ST6GALNAC1: variants seen among roughly 807,000 people sequenced by gnomAD.
ST6GALNAC1 encodes the protein alpha-N-acetylgalactosaminide alpha-2,6-sialyltransferase 1.
A neutral mutation model predicts 56.8 loss-of-function variants in ST6GALNAC1; 45 were observed. The observed-to-expected ratio is 0.79, with a 90% CI of 0.62 to 1.02. ST6GALNAC1 has a LOEUF of 1.02. Among genes scored for constraint, ST6GALNAC1 ranks in the 50% least tolerant of loss-of-function variants. The pLI, the probability that ST6GALNAC1 is intolerant of heterozygous loss-of-function variation, is 0.00. For synonymous variants in ST6GALNAC1, 295 were observed against 297.8 expected, an observed-to-expected ratio of 0.99 and a Z score of 0.10; for missense variants, 743 against 754.8, an observed-to-expected ratio of 0.98 and a Z score of 0.18.
Position 76,625,523 on chromosome 17 carries a change from C to T in ST6GALNAC1, c.1610G>A (p.Ser537Asn), listed in dbSNP as rs140855041. The T allele has an allele frequency of 1.6e-5, 26 of 1,613,640 alleles. No individual in the cohort carries two copies. The African/African-American group carries it at 2.9e-4, about 18-fold the overall frequency. ...GCCCTCAGTGATGAAGCCATAAGCACTCACCTACATCACGGTTGGAGGAGA... is the reference window on the plus strand; with the variant it reads ...GCCCTCAGTGATGAAGCCATAAGCATTCACCTACATCACGGTTGGAGGAGA... ...LTALQLCDQV[S>N]AYGFITEGHE... Residue 537 changes from serine to asparagine, a missense_variant, in exon 9 of 9, where the codon AGT becomes AAT. Transcript: ENST00000156626.
At chr17:76,634,203 G>A (rs927007547) in intron 1 of ST6GALNAC1, among the ~76,000 whole-genome samples, 2 of 152,140 alleles carry the variant, frequency 1.3e-5, no homozygotes, top group South Asian at 2.1e-4. Flanking sequence ...CTCTACTTAC[G>A]TCCTTAAGTC....
chr17:76,638,741 G>A (rs1056840391), intron 1 of ST6GALNAC1, among the ~76,000 whole-genome samples: 2 of 151,948 alleles, frequency 1.3e-5, no homozygotes, highest in African/African-American at 4.8e-5. Flanking sequence ...GACCATGCCC[G>A]GCTAATTTTT....
intron 1 of ST6GALNAC1, among the ~76,000 whole-genome samples, chr17:76,636,661 C>G (rs2075977011): frequency 6.8e-6 from 1 of 146,564 alleles, no homozygotes. Context: ...GTGGGGGTAG[C>G]CCCCACCCAG....
At chr17:76,636,562 G>A (rs1002978466) in intron 1 of ST6GALNAC1, among the ~76,000 whole-genome samples, 5 of 152,150 alleles carry the variant, frequency 3.3e-5, no homozygotes, top group African/African-American at 4.8e-5. Context: ...CTGAGATCAC[G>A]CCACTGCACT....
chr17:76,630,565 T>TC (rs1332908335), intron 1 of ST6GALNAC1, among the ~76,000 whole-genome samples: 1 of 150,970 alleles, frequency 6.6e-6, no homozygotes, highest in Non-Finnish European at 1.5e-5. Context: ...CTCCCAGGGA[T>TC]CCTTCCTCCT....
In ST6GALNAC1 at chr17:76,627,758, T is replaced by C. The variant is rs985205883; in HGVS notation, c.832-175A>G. Among the ~76,000 whole-genome samples the C allele has an allele frequency of 5.3e-5, 8 of 152,076 alleles. No individual in the cohort carries two copies. Among genetic ancestry groups the C allele is most frequent in the Non-Finnish European group, 1.0e-4 (7 of 68,010 alleles). The stretch of plus-strand genomic sequence containing the variant: ...TCCCCTTCCCATTGTCTGGGCTCAT[T>C]GTGGTCCTGAGGGTTCTGGGAAATG... On this transcript the variant is annotated intron_variant, in intron 2 of 8. Transcript: ENST00000156626. This position sits in a 1 kb window ranked among gnomAD's most constrained non-coding sequence, Gnocchi z 4.4.
At position 76,629,637 on chromosome 17, in the gene ST6GALNAC1, C is replaced by T; in HGVS notation, c.206G>A (p.Arg69Lys). The change falls in exon 2 of 9, where the codon AGG (arginine) becomes AAG (lysine). Residue 69 changes from arginine to lysine, a missense_variant. Physicochemically the swap from Arg to Lys is conservative, Grantham distance 26. Transcript: ENST00000156626. ...TGCATAGATGGTTGTCCTCCTTGCCCTTGTGGGTGCCTGGGACTTAGGCTT... is the reference window on the plus strand; with the variant it reads ...TGCATAGATGGTTGTCCTCCTTGCCTTTGTGGGTGCCTGGGACTTAGGCTT... ...LAKPKSQAPTRARRTTIYAEP... is the reference protein window; with the variant it reads ...LAKPKSQAPTKARRTTIYAEP... 3 of 1,613,720 alleles carry T rather than the reference C, an allele frequency of 1.9e-6. No homozygotes were observed. Among genetic ancestry groups the T allele is most frequent in the Non-Finnish European group, 2.5e-6 (3 of 1,179,792 alleles).
At chr17:76,622,089 G>A (rs2075747317), downstream of ST6GALNAC1, among the ~76,000 whole-genome samples, 1 of 150,960 alleles carries the variant, frequency 6.6e-6, no homozygotes, top group Non-Finnish European at 1.5e-5. Context: ...GTGAGCCACT[G>A]CGCCTGGCCT....
At chr17:76,630,284 C>CA (rs2075873294) in intron 1 of ST6GALNAC1, among the ~76,000 whole-genome samples, 1 of 152,138 alleles carries the variant, frequency 6.6e-6, no homozygotes. Flanking sequence ...AGGCAGGAAA[C>CA]AAAGGTCTTT....
Position 76,625,951 on chromosome 17 carries a change from A to T in ST6GALNAC1, c.1506-33T>A, listed in dbSNP as rs777590330. 8.7e-6 allele frequency: 14 copies of T among 1,604,322 alleles called. No homozygotes were observed. The South Asian group carries it at 1.3e-4, about 15-fold the overall frequency. ...ATGCCCCAAACCCCCAACTGTCAGGAGGCTGCAAGGATAACAGGGACCTGG... is the reference window on the plus strand; with the variant it reads ...ATGCCCCAAACCCCCAACTGTCAGGTGGCTGCAAGGATAACAGGGACCTGG... On this transcript the variant is annotated intron_variant, in intron 7 of 8. Transcript: ENST00000156626.
Position 76,625,206 on chromosome 17 carries a change from C to T in ST6GALNAC1, c.*124G>A, listed in dbSNP as rs575841143. ...GTCTTGTCCATGGTTCAAGTGTTCC[C>T]TTGGAACTCCTGAAGGGCTTGGAGC... is the stretch of plus-strand genomic sequence containing the variant. On this transcript the variant is annotated 3_prime_UTR_variant, in exon 9 of 9. Coordinates refer to ENST00000156626, the MANE Select transcript of ST6GALNAC1 (RefSeq NM_018414.5). 1 of 1,004,492 alleles carries T rather than the reference C, an allele frequency of 1.0e-6. No homozygotes were observed. The highest frequency in any genetic ancestry group is 1.4e-6 in the Non-Finnish European group (1 of 694,002). The allele number at this position is 1,004,492 out of a possible 1,614,324, so 62.2% of individuals were successfully genotyped here.
intron 1 of ST6GALNAC1, among the ~76,000 whole-genome samples, chr17:76,642,310 G>A (rs2076060336): frequency 6.6e-6 from 1 of 151,996 alleles, no homozygotes; most frequent in South Asian, 2.1e-4. Flanking sequence ...AAATGCCTGG[G>A]TTTGAATCTT....
At chr17:76,626,590 C>T (rs2075801780) in intron 5 of ST6GALNAC1, 61 bp downstream of exon 5, 1 of 1,608,452 alleles carries the variant, frequency 6.2e-7, no homozygotes, top group Non-Finnish European at 8.5e-7. Context: ...TCTCCCTTCT[C>T]ACCTCCTGTG....
chr17:76,619,556 T>C, the ST6GALNAC1 span, among the ~76,000 whole-genome samples: 1 of 152,196 alleles, frequency 6.6e-6, no homozygotes, highest in Non-Finnish European at 1.5e-5. Context: ...CATATTTTCT[T>C]AATTGTTGAA....
At chr17:76,620,053 ATT>A (rs2075725682), downstream of ST6GALNAC1, among the ~76,000 whole-genome samples, 1 of 128,418 alleles carries the variant, frequency 7.8e-6, no homozygotes, top group Admixed American at 8.0e-5. Flanking sequence ...CTTTTTAAAA[ATT>A]TTTTATACAG....
intron 1 of ST6GALNAC1, among the ~76,000 whole-genome samples, chr17:76,642,621 C>T (rs566854212): frequency 4.6e-5 from 7 of 152,190 alleles, no homozygotes; most frequent in Middle Eastern, 3.4e-3. Context: ...TTACTTTCAA[C>T]GTTTAGGAAC....
Position 76,629,607 on chromosome 17 carries a change from G to C in ST6GALNAC1, c.236C>G (p.Pro79Arg), listed in dbSNP as rs367891631. Residue 79 changes from proline to arginine, a missense_variant, in exon 2 of 9, where the codon CCA becomes CGA. Transcript: ENST00000156626. ...RARRTTIYAEPVPENNALNTQ... is the reference protein window; with the variant it reads ...RARRTTIYAERVPENNALNTQ... ...GTTGAGGGCATTGTTCTCTGGCACT[G>C]GCTCTGCATAGATGGTTGTCCTCCT... 3.6e-5 allele frequency: 58 copies of C among 1,613,530 alleles called. No homozygotes were observed. Among genetic ancestry groups the C allele is most frequent in the Non-Finnish European group, 4.7e-5 (55 of 1,179,742 alleles).
downstream of ST6GALNAC1, among the ~76,000 whole-genome samples, chr17:76,623,481 CA>C (rs1283803151): frequency 6.6e-6 from 1 of 152,084 alleles, no homozygotes; most frequent in Non-Finnish European, 1.5e-5. Flanking sequence ...TCATCTTTTC[CA>C]AGAACAAAAG....
At chr17:76,622,825 G>A (rs1004575627), downstream of ST6GALNAC1, among the ~76,000 whole-genome samples, 1 of 140,938 alleles carries the variant, frequency 7.1e-6, no homozygotes, top group African/African-American at 2.7e-5. Flanking sequence ...AGACAGTCTT[G>A]CTCTATCGCC....
Sources: gnomAD v4.1 joint callset for allele counts (sites outside exome capture counted in the v4.1 genomes callset) on GRCh38, gnomAD v4.1.1 for gene constraint, Gnocchi (gnomAD v3.1) non-coding constraint, MANE v1.5 for transcripts, NCBI Gene and HGNC (gene_info 2026-07-23, HGNC 2026-07-21) for gene names.